Variants in SLTM observed in about 807,000 individuals in gnomAD.
SLTM encodes the protein SAFB-like transcription modulator.
A neutral mutation model predicts 134.6 loss-of-function variants in SLTM; 43 were observed. The ratio of observed to expected loss-of-function variants is 0.32; its 90% CI spans 0.25 to 0.41. The LOEUF is 0.41. Among genes scored for constraint, SLTM ranks in the 10% least tolerant of loss-of-function variants. The probability of loss-of-function intolerance (pLI) is 1.00; values close to 1 mark genes in which losing one functional copy is unlikely to be tolerated. For synonymous variants in SLTM, 424 were observed against 432.3 expected, an observed-to-expected ratio of 0.98 and a Z score of 0.24; for missense variants, 1,055 against 1,288.8, an observed-to-expected ratio of 0.82 and a Z score of 2.78.
intron 17 of SLTM, chr15:58,887,746 A>C (rs377341886): frequency 2.3e-6 from 1 of 428,478 alleles, no homozygotes; most frequent in African/African-American, 2.1e-5. Flanking sequence ...GTTTTTTAGC[A>C]TTCAGGAGAA....
chr15:58,902,920 G>C (rs2035590953), intron 5 of SLTM, among the ~76,000 whole-genome samples: 1 of 151,310 alleles, frequency 6.6e-6, no homozygotes. Flanking sequence ...TTTATTTTTT[G>C]AGACAGAGTC....
At chr15:58,888,314 G>T in intron 17 of SLTM, 71 bp downstream of exon 17, 1 of 1,376,138 alleles carries the variant, frequency 7.3e-7, no homozygotes, top group Non-Finnish European at 9.9e-7. Flanking sequence ...TTCCAGTTAA[G>T]ATTTTAGGAG....
chr15:58,919,858 G>C (rs2036898779), intron 2 of SLTM, among the ~76,000 whole-genome samples: 1 of 152,154 alleles, frequency 6.6e-6, no homozygotes, highest in African/African-American at 2.4e-5. Context: ...TTTTACAAAA[G>C]AGAAAATGAG....
intron 20 of SLTM, 128 bp downstream of exon 20, chr15:58,883,498 A>G (rs1175784873): frequency 1.6e-6 from 2 of 1,215,478 alleles, no homozygotes; most frequent in Non-Finnish European, 2.4e-6. Context: ...GGGTTGATAC[A>G]GGGAAATGTT....
At chr15:58,929,945 T>C (rs2037750216) in intron 2 of SLTM, among the ~76,000 whole-genome samples, 1 of 152,164 alleles carries the variant, frequency 6.6e-6, no homozygotes, top group Admixed American at 6.5e-5. Context: ...ATTGAATCAA[T>C]AAGCATCTTT....
chr15:58,915,054 G>A (rs1343226136), intron 3 of SLTM, among the ~76,000 whole-genome samples: 5 of 152,128 alleles, frequency 3.3e-5, no homozygotes, highest in African/African-American at 1.2e-4. Context: ...AGCCGGGCCT[G>A]GTGCGGTAAG....
At chr15:58,903,816 C>A (rs1349909419) in intron 5 of SLTM, among the ~76,000 whole-genome samples, 1 of 151,662 alleles carries the variant, frequency 6.6e-6, no homozygotes, top group South Asian at 2.1e-4. Context: ...AGAGTGACAA[C>A]CTTAGTGAAA....
chr15:58,913,428 G>T, intron 4 of SLTM, 71 bp downstream of exon 4: 7 of 1,298,540 alleles, frequency 5.4e-6, no homozygotes, highest in Non-Finnish European at 6.3e-6. Context: ...AATTGAACTA[G>T]AAAAAAATAC....
chr15:58,898,606 A>AAAGT (rs5812955), intron 8 of SLTM, 197 bp downstream of exon 8: 450,088 of 482,116 alleles, frequency 0.93, 210,815 homozygotes, highest in South Asian at 0.97. Flanking sequence ...ACCAGTTTAC[A>AAAGT]AAGTAAACAG....
intron 9 of SLTM, among the ~76,000 whole-genome samples, chr15:58,895,550 T>G (rs1032159135): frequency 6.6e-6 from 1 of 152,000 alleles, no homozygotes; most frequent in Non-Finnish European, 1.5e-5. Flanking sequence ...AATCAGGAGT[T>G]TTATGGTATG....
intron 20 of SLTM, among the ~76,000 whole-genome samples, chr15:58,882,683 A>G (rs888278208): frequency 1.3e-5 from 2 of 152,208 alleles, no homozygotes; most frequent in African/African-American, 4.8e-5. Flanking sequence ...ACACTTACTG[A>G]AGTTTGATGG....
At chr15:58,889,980 G>A in intron 15 of SLTM, 1 of 406,606 alleles carries the variant, frequency 2.5e-6, no homozygotes, top group Non-Finnish European at 4.4e-6. Flanking sequence ...TATTTTCTAA[G>A]ACTGGGATAG....
In SLTM at chr15:58,912,732, G is replaced by A. The variant is rs542331383; in HGVS notation, c.514-122C>T. 4 of 757,250 alleles carry A rather than the reference G, an allele frequency of 5.3e-6. No individual in the cohort carries two copies. In the East Asian group the frequency reaches 1.1e-4, roughly 22 times the overall value. 46.9% of individuals were successfully genotyped at this position (757,250 alleles called of 1,614,324 possible). ...TCTGTATAATATCTGCGATACCATG[G>A]GTACTAAATCAATGCTTAATATTCA... On this transcript the variant is annotated intron_variant, in intron 4 of 20. Transcript: ENST00000380516.
At chr15:58,906,164 T>C (rs2035855230) in intron 5 of SLTM, among the ~76,000 whole-genome samples, 1 of 152,248 alleles carries the variant, frequency 6.6e-6, no homozygotes, top group African/African-American at 2.4e-5. Flanking sequence ...CCTGTCTAAA[T>C]GGTATATATG....
intron 17 of SLTM, among the ~76,000 whole-genome samples, chr15:58,888,085 C>A (rs756702486): frequency 3.3e-5 from 5 of 152,148 alleles, no homozygotes; most frequent in Non-Finnish European, 5.9e-5. Flanking sequence ...ACCCACGAGG[C>A]AGAGGTACAG....
intron 3 of SLTM, 96 bp downstream of exon 3, chr15:58,916,839 A>C: frequency 2.1e-6 from 2 of 948,238 alleles, no homozygotes; most frequent in Middle Eastern, 2.5e-4. Flanking sequence ...TAACCTACAT[A>C]CTTCAGTGAC....
chr15:58,887,305 G>C lies in SLTM; in HGVS notation c.2611C>G (p.Arg871Gly), dbSNP rs1187502445. 6.2e-7 allele frequency: 1 copy of C among 1,614,066 alleles called. No homozygotes were observed. ...CTGGAAGGATTGGGCCCTGCCTCTC[G>C]AGGATGTCTAGGATGAGTGATATCA... ...RPDITHPRHPREAGPNPSRPT... is the reference protein window; with the variant it reads ...RPDITHPRHPGEAGPNPSRPT... The change falls in exon 18 of 21, where the codon CGA becomes GGA. Residue 871 changes from arginine (R) to glycine (G), a missense_variant. Transcript: ENST00000380516.
intron 10 of SLTM, 110 bp downstream of exon 10, chr15:58,894,323 T>A: frequency 6.8e-7 from 1 of 1,472,318 alleles, no homozygotes; most frequent in East Asian, 2.3e-5. Context: ...TACAAATACA[T>A]AAAAATTAAA....
At chr15:58,894,663 G>T in intron 9 of SLTM, 81 bp from the exon 10 acceptor site, 2 of 1,223,180 alleles carry the variant, frequency 1.6e-6, no homozygotes, top group South Asian at 1.2e-5. Context: ...CTTCACAACT[G>T]AAACTATATA....
Sources: allele counts gnomAD v4.1 joint callset (sites outside exome capture counted in the v4.1 genomes callset), GRCh38; gene constraint gnomAD v4.1.1; transcripts MANE v1.5; gene names NCBI Gene and HGNC (gene_info 2026-07-23, HGNC 2026-07-21).